Variants in NSUN7 observed in about 807,000 individuals in gnomAD.
NSUN7 encodes the protein NOP2/Sun RNA methyltransferase family member 7.
Under a neutral mutation model 58.5 loss-of-function variants are expected in NSUN7, and 39 were observed. The ratio of observed to expected loss-of-function variants is 0.67; its 90% CI spans 0.52 to 0.87. NSUN7 has a LOEUF of 0.87. Among genes scored for constraint, NSUN7 ranks in the 40% least tolerant of loss-of-function variants. The probability of loss-of-function intolerance (pLI) is 0.00; values close to 1 mark genes in which losing one functional copy is unlikely to be tolerated. For missense variants in NSUN7, 765 were observed against 844.1 expected, an observed-to-expected ratio of 0.91 and a Z score of 1.16; for synonymous variants, 278 against 303.7, an observed-to-expected ratio of 0.92 and a Z score of 0.88.
At chr4:40,774,448 C>G (rs1560552568) in intron 5 of NSUN7, 31 bp downstream of exon 5, 1 of 1,592,690 alleles carries the variant, frequency 6.3e-7, no homozygotes, top group Non-Finnish European at 8.6e-7. Context: ...CTTTATATTT[C>G]AAGTCTCCAT....
chr4:40,788,240 T>C (rs1452758821), intron 7 of NSUN7, among the ~76,000 whole-genome samples: 2 of 152,244 alleles, frequency 1.3e-5, no homozygotes, highest in Non-Finnish European at 2.9e-5. Flanking sequence ...AGCAGGTATT[T>C]GGGTACACTC....
intron 2 of NSUN7, among the ~76,000 whole-genome samples, chr4:40,755,677 G>C (rs1013385653): frequency 2.4e-4 from 36 of 152,200 alleles, no homozygotes; most frequent in African/African-American, 8.4e-4. Flanking sequence ...ACTGTAGTCA[G>C]GGGTTCCTAA....
intron 8 of NSUN7, 62 bp downstream of exon 8, chr4:40,790,807 A>AATGATTTT: frequency 8.4e-7 from 1 of 1,190,844 alleles, no homozygotes; most frequent in Non-Finnish European, 1.2e-6. Context: ...AAAATTATTT[A>AATGATTTT]AAATCATTAA....
intron 2 of NSUN7, among the ~76,000 whole-genome samples, chr4:40,759,337 G>A (rs575016514): frequency 5.9e-5 from 9 of 152,018 alleles, no homozygotes; most frequent in Non-Finnish European, 1.2e-4. Flanking sequence ...ATAAAATAAA[G>A]CATTTGTTAT....
chr4:40,790,565 A>T, intron 7 of NSUN7, 37 bp from the exon 8 acceptor site: 2 of 1,317,242 alleles, frequency 1.5e-6, no homozygotes, highest in Non-Finnish European at 2.1e-6. Context: ...ATTTTTCATT[A>T]ATATTTTACA....
intron 2 of NSUN7, 79 bp downstream of exon 2, chr4:40,751,070 C>T: frequency 6.7e-7 from 1 of 1,489,148 alleles, no homozygotes; most frequent in Non-Finnish European, 9.2e-7. Context: ...CCCTCCTCCT[C>T]CCTTCCCCTC....
At position 40,802,641 on chromosome 4, in the gene NSUN7, G is replaced by GTTTGT. The variant is rs555824404; in HGVS notation, c.1400+3740_1400+3741insGTTTT. Among the ~76,000 whole-genome samples the GTTTGT allele has an allele frequency of 5.2e-3, 786 of 152,006 alleles. 6 individuals are homozygous for GTTTGT. Among genetic ancestry groups the GTTTGT allele is most frequent in the African/African-American group, 0.018 (746 of 41,452 alleles). The stretch of plus-strand genomic sequence containing the variant: ...ACTACATGGATGTGTATGTTTGTTT[G>GTTTGT]TTTTTTTGTATCACACCATAAACTT... On this transcript the variant is annotated intron_variant, in intron 10 of 11. Transcript: ENST00000381782.
At position 40,774,336 on chromosome 4, in the gene NSUN7, T is replaced by A; in HGVS notation, c.560T>A (p.Ile187Asn). The stretch of plus-strand genomic sequence containing the variant: ...CATGATGCCCTTTCAATTTACCACA[T>A]CCTTCCAGAAACAGTTAGGAAACAG... ...IKHDALSIYH[I>N]LPETVRKQEL... The change falls in exon 5 of 12, where the codon ATC becomes AAC. Residue 187 changes from isoleucine (I) to asparagine (N), a missense_variant. By Grantham distance (149) the Ile-to-Asn change is moderately radical. Coordinates refer to ENST00000381782, the MANE Select transcript of NSUN7 (RefSeq NM_024677.6). 1 of 1,614,068 alleles carries A rather than the reference T, an allele frequency of 6.2e-7. No individual in the cohort carries two copies. The highest frequency in any genetic ancestry group is 8.5e-7 in the Non-Finnish European group (1 of 1,179,918).
At chr4:40,779,975 G>A (rs994437654) in intron 7 of NSUN7, among the ~76,000 whole-genome samples, 3 of 151,968 alleles carry the variant, frequency 2.0e-5, no homozygotes, top group Non-Finnish European at 4.4e-5. Flanking sequence ...TGGAATATGA[G>A]TCTAAAAAAA....
chr4:40,759,958 A>G (rs1741369076), intron 2 of NSUN7, among the ~76,000 whole-genome samples: 1 of 152,150 alleles, frequency 6.6e-6, no homozygotes, highest in Non-Finnish European at 1.5e-5. Flanking sequence ...GAATTGCTTG[A>G]ACCTGGGAGG....
intron 1 of NSUN7, 109 bp downstream of exon 1, chr4:40,750,409 G>A (rs1189172098): frequency 1.0e-5 from 4 of 386,756 alleles, no homozygotes; most frequent in Non-Finnish European, 1.9e-5. Flanking sequence ...GGTCTCCTTG[G>A]GGCTCTTCTC....
At chr4:40,753,030 T>G (rs1036384811) in intron 2 of NSUN7, among the ~76,000 whole-genome samples, 1 of 152,180 alleles carries the variant, frequency 6.6e-6, no homozygotes, top group Non-Finnish European at 1.5e-5. Context: ...AAATGCAGAC[T>G]GGGCAGCTGT....
chr4:40,783,920 A>G (rs1289175215), intron 7 of NSUN7, among the ~76,000 whole-genome samples: 2 of 152,172 alleles, frequency 1.3e-5, no homozygotes, highest in African/African-American at 2.4e-5. Context: ...AGGGACTTGT[A>G]TTCAGAATAT....
rs373105643 is a variant in NSUN7, at chr4:40,773,915, C to T, written c.489-350C>T. Among the ~76,000 whole-genome samples, 20 of 152,176 alleles carry T rather than the reference C, an allele frequency of 1.3e-4. 1 individual carries two copies. In the South Asian group the frequency reaches 2.9e-3, roughly 22 times the overall value. On this transcript the variant is annotated intron_variant, in intron 4 of 11. Transcript: ENST00000381782. ...CTGGGTTCAAGTGATTCTCCTGCCTCAACCTCCCGAGTAGCTGGGATTACA... is the reference window on the plus strand; with the variant it reads ...CTGGGTTCAAGTGATTCTCCTGCCTTAACCTCCCGAGTAGCTGGGATTACA...
intron 7 of NSUN7, chr4:40,776,506 G>A: frequency 3.5e-6 from 1 of 283,052 alleles, no homozygotes; most frequent in Non-Finnish European, 6.5e-6. Flanking sequence ...ATAATTTGAG[G>A]CTCAAACATT....
At chr4:40,753,745 C>T (rs1431935321) in intron 2 of NSUN7, among the ~76,000 whole-genome samples, 5 of 152,108 alleles carry the variant, frequency 3.3e-5, no homozygotes, top group African/African-American at 4.8e-5. Context: ...TGAATTCCCA[C>T]GTATTGTGAG....
chr4:40,791,087 T>C (rs1232386476), intron 8 of NSUN7, among the ~76,000 whole-genome samples: 5 of 152,158 alleles, frequency 3.3e-5, no homozygotes, highest in Non-Finnish European at 5.9e-5. Context: ...GACTCAAAGA[T>C]TGATTCATTT....
intron 10 of NSUN7, among the ~76,000 whole-genome samples, chr4:40,803,041 G>T (rs1413822161): frequency 1.4e-5 from 2 of 147,584 alleles, no homozygotes; most frequent in Admixed American, 6.9e-5. Context: ...GTGGTGTTTG[G>T]TTTTTTGTCC....
At chr4:40,790,172 T>A (rs1415383499) in intron 7 of NSUN7, among the ~76,000 whole-genome samples, 1 of 149,964 alleles carries the variant, frequency 6.7e-6, no homozygotes, top group Non-Finnish European at 1.5e-5. Flanking sequence ...GACAGCACGC[T>A]AAGCTTAACT....
Sources: gnomAD v4.1 joint callset for allele counts (sites outside exome capture counted in the v4.1 genomes callset) on GRCh38, gnomAD v4.1.1 for gene constraint, MANE v1.5 for transcripts, NCBI Gene and HGNC (gene_info 2026-07-23, HGNC 2026-07-21) for gene names.